Variants in ADAMTS12 observed in about 807,000 individuals in gnomAD.
ADAMTS12 encodes the protein ADAM metallopeptidase with thrombospondin type 1 motif 12, also known as A disintegrin and metalloproteinase with thrombospondin motifs 12.
A neutral mutation model predicts 167.8 loss-of-function variants in ADAMTS12; 118 were observed. That is an observed-to-expected ratio of 0.70 (90% CI 0.61 to 0.82). ADAMTS12 has a LOEUF of 0.82. ADAMTS12 is among the 40% of genes least tolerant of loss of function. The probability of loss-of-function intolerance (pLI) is 0.00; values close to 1 mark genes in which losing one functional copy is unlikely to be tolerated. For synonymous variants in ADAMTS12, 704 were observed against 716.9 expected, an observed-to-expected ratio of 0.98 and a Z score of 0.29; for missense variants, 1,916 against 1,998.8, an observed-to-expected ratio of 0.96 and a Z score of 0.79.
At chr5:33,823,953 G>T (rs1305033387) in intron 2 of ADAMTS12, among the ~76,000 whole-genome samples, 1 of 152,058 alleles carries the variant, frequency 6.6e-6, no homozygotes, top group Non-Finnish European at 1.5e-5. Context: ...ATTATGCTAT[G>T]CATACATGTA....
intron 2 of ADAMTS12, among the ~76,000 whole-genome samples, chr5:33,849,001 T>G (rs1306471229): frequency 6.7e-6 from 1 of 149,844 alleles, no homozygotes; most frequent in Admixed American, 6.7e-5. Flanking sequence ...ATGTATTGCA[T>G]AGCAATATAT....
chr5:33,684,699 A>G (rs774789329), intron 3 of ADAMTS12, among the ~76,000 whole-genome samples: 1 of 152,224 alleles, frequency 6.6e-6, no homozygotes, highest in Non-Finnish European at 1.5e-5. Flanking sequence ...AGAGGTGGAA[A>G]AGATCCAAAG....
chr5:33,759,629 A>T (rs1685533502), intron 2 of ADAMTS12, among the ~76,000 whole-genome samples: 1 of 152,164 alleles, frequency 6.6e-6, no homozygotes, highest in Non-Finnish European at 1.5e-5. Context: ...TCATTTCCTT[A>T]TCCTGAAGTA....
chr5:33,795,956 A>G (rs909991691), intron 2 of ADAMTS12, among the ~76,000 whole-genome samples: 6 of 152,242 alleles, frequency 3.9e-5, no homozygotes, highest in African/African-American at 1.4e-4. Flanking sequence ...TTCTGGGCAC[A>G]TGAAGAAATG....
chr5:33,858,540 C>T (rs1475512624), intron 2 of ADAMTS12, among the ~76,000 whole-genome samples: 7 of 151,756 alleles, frequency 4.6e-5, no homozygotes, highest in Admixed American at 1.3e-4. Flanking sequence ...CACCAGTAGT[C>T]GCAGCAACTT....
At chr5:33,529,160 T>C (rs1743973079) in intron 23 of ADAMTS12, among the ~76,000 whole-genome samples, 1 of 152,234 alleles carries the variant, frequency 6.6e-6, no homozygotes, top group Non-Finnish European at 1.5e-5. Flanking sequence ...GCAGAAGATA[T>C]GTACAAATAA....
At chr5:33,760,899 G>A (rs1170456410) in intron 2 of ADAMTS12, among the ~76,000 whole-genome samples, 3 of 151,220 alleles carry the variant, frequency 2.0e-5, no homozygotes, top group African/African-American at 7.4e-5. Context: ...GTGTGTGTGT[G>A]TGTGTGTGTG....
chr5:33,645,770 C>T (rs773421328), intron 9 of ADAMTS12, among the ~76,000 whole-genome samples: 10 of 151,866 alleles, frequency 6.6e-5, no homozygotes, highest in East Asian at 1.9e-4. Flanking sequence ...GTTGTTAACA[C>T]GGAAAATGAT....
intron 2 of ADAMTS12, among the ~76,000 whole-genome samples, chr5:33,828,514 CTG>C (rs1748174878): frequency 6.6e-6 from 1 of 152,114 alleles, no homozygotes; most frequent in Non-Finnish European, 1.5e-5. Context: ...GCTATATAAT[CTG>C]TGTTTTATTT....
intron 18 of ADAMTS12, among the ~76,000 whole-genome samples, chr5:33,584,251 A>G (rs985726214): frequency 2.0e-5 from 3 of 152,238 alleles, no homozygotes; most frequent in Non-Finnish European, 4.4e-5. Flanking sequence ...TACATAATAC[A>G]TAGTAATAAT....
chr5:33,753,723 G>A (rs562284722), intron 2 of ADAMTS12, among the ~76,000 whole-genome samples: 1 of 152,174 alleles, frequency 6.6e-6, no homozygotes, highest in East Asian at 1.9e-4. Context: ...ACCATTTTAC[G>A]GGCAACATGA....
chr5:33,791,312 A>G (rs1186919047), intron 2 of ADAMTS12, among the ~76,000 whole-genome samples: 1 of 152,180 alleles, frequency 6.6e-6, no homozygotes, highest in African/African-American at 2.4e-5. Flanking sequence ...TGATATTAAT[A>G]TGCTCTGTAA....
intron 3 of ADAMTS12, among the ~76,000 whole-genome samples, chr5:33,741,338 C>T (rs1359546132): frequency 6.6e-6 from 1 of 152,202 alleles, no homozygotes; most frequent in Admixed American, 6.5e-5. Context: ...CCTTGGCTTG[C>T]AGATGGGGCT....
intron 1 of ADAMTS12, among the ~76,000 whole-genome samples, chr5:33,883,755 A>G (rs537806686): frequency 6.6e-6 from 1 of 152,274 alleles, no homozygotes; most frequent in African/African-American, 2.4e-5. Context: ...AATATATATA[A>G]CAAAAAAAGC....
chr5:33,663,416 G>T (rs1741337547), intron 5 of ADAMTS12, among the ~76,000 whole-genome samples: 1 of 152,006 alleles, frequency 6.6e-6, no homozygotes, highest in Non-Finnish European at 1.5e-5. Flanking sequence ...AAAGGGAAGG[G>T]ATAAGAGAAA....
At chr5:33,799,755 G>A (rs1579946756) in intron 2 of ADAMTS12, among the ~76,000 whole-genome samples, 1 of 150,328 alleles carries the variant, frequency 6.7e-6, no homozygotes, top group Non-Finnish European at 1.5e-5. Flanking sequence ...CTGAAAGCAG[G>A]ATGGTAGAAG....
At chr5:33,849,448 G>A (rs1343863100) in intron 2 of ADAMTS12, among the ~76,000 whole-genome samples, 1 of 125,676 alleles carries the variant, frequency 8.0e-6, no homozygotes, top group Admixed American at 8.3e-5. Context: ...ATATATATAT[G>A]TATTGCACAG....
intron 2 of ADAMTS12, among the ~76,000 whole-genome samples, chr5:33,831,068 C>G (rs1201125766): frequency 6.6e-6 from 1 of 152,012 alleles, no homozygotes; most frequent in African/African-American, 2.4e-5. Context: ...CACACAAAAA[C>G]ACACACACAT....
At chr5:33,670,206 A>G (rs1273626764) in intron 5 of ADAMTS12, among the ~76,000 whole-genome samples, 1 of 152,190 alleles carries the variant, frequency 6.6e-6, no homozygotes, top group Admixed American at 6.5e-5. Flanking sequence ...CACGTCACCA[A>G]GGAGGATATA....
Sources: gnomAD v4.1 joint callset for allele counts (sites outside exome capture counted in the v4.1 genomes callset) on GRCh38, gnomAD v4.1.1 for gene constraint, MANE v1.5 for transcripts, NCBI Gene and HGNC (gene_info 2026-07-23, HGNC 2026-07-21) for gene names.